CUX1: variants seen among roughly 807,000 people sequenced by gnomAD.
CUX1 encodes cut like homeobox 1.
A neutral mutation model predicts 158.8 loss-of-function variants in CUX1; 31 were observed. The observed-to-expected ratio is 0.20, with a 90% CI of 0.15 to 0.26. CUX1 has a LOEUF of 0.26. Among genes scored for constraint, CUX1 ranks in the 10% least tolerant of loss-of-function variants. The pLI is 1.00. For missense variants in CUX1, 1,589 were observed against 2,014.6 expected (o/e 0.79, Z 4.04); for synonymous variants, 879 against 862.1 (o/e 1.02, Z -0.34).
At chr7:102,244,432 C>T (rs1315137582) in intron 23 of CUX1, among the ~76,000 whole-genome samples, 2 of 152,114 alleles carry the variant, frequency 1.3e-5, no homozygotes, top group East Asian at 1.9e-4. Flanking sequence ...CTGGGCCGGG[C>T]ACGGCCTGTA....
At chr7:102,092,169 T>C (rs1448164619) in intron 4 of CUX1, among the ~76,000 whole-genome samples, 17 of 152,356 alleles carry the variant, frequency 1.1e-4, no homozygotes, top group African/African-American at 4.1e-4. Flanking sequence ...ATCTTCTTTT[T>C]CTCTCCTCCT....
At chr7:102,228,532 T>C (rs1554529515) in intron 21 of CUX1, among the ~76,000 whole-genome samples, 2 of 152,066 alleles carry the variant, frequency 1.3e-5, no homozygotes, top group Non-Finnish European at 2.9e-5. Flanking sequence ...TAGTGGCTCA[T>C]GCCTGTAATC....
intron 2 of CUX1, among the ~76,000 whole-genome samples, chr7:101,997,056 T>G (rs1227342971): frequency 6.6e-6 from 1 of 152,118 alleles, no homozygotes. Context: ...TCTTGTGTCC[T>G]CTGACCGCCC....
At chr7:102,043,624 G>T (rs762726418) in intron 3 of CUX1, among the ~76,000 whole-genome samples, 6 of 152,106 alleles carry the variant, frequency 3.9e-5, no homozygotes, top group Non-Finnish European at 8.8e-5. Context: ...TATTACCCAT[G>T]TATTTGTTGT....
intron 8 of CUX1, among the ~76,000 whole-genome samples, chr7:102,151,292 C>G (rs144658113): frequency 6.6e-6 from 1 of 152,254 alleles, no homozygotes; most frequent in East Asian, 1.9e-4. Context: ...TCGGTTCACG[C>G]CTGTCATCCC....
At chr7:102,265,279 C>T (rs1790719652) in intron 14 of CUX1, among the ~76,000 whole-genome samples, 1 of 151,540 alleles carries the variant, frequency 6.6e-6, no homozygotes, top group South Asian at 2.1e-4. Context: ...TTGCTTGAAC[C>T]CCGGAGGCAG....
In CUX1 at chr7:102,029,008, T is replaced by TTTA. The variant is rs1163614520; in HGVS notation, c.189+864_189+865insTAT. 3.3e-5 allele frequency among the ~76,000 whole-genome samples: 5 copies of TTTA among 149,918 alleles called. No individual in the cohort carries two copies. The East Asian group carries it at 9.8e-4, about 29-fold the overall frequency. On this transcript the variant is annotated intron_variant, in intron 3 of 23. Transcript: ENST00000292535. ...TAGGGATTTTTTTTTTTTTTTTTTTTTGGCGACAGAGTCTTGCCCTGTCAC... is the reference window on the plus strand; with the variant it reads ...TAGGGATTTTTTTTTTTTTTTTTTTTTTATGGCGACAGAGTCTTGCCCTGTCAC...
At chr7:102,166,961 A>G (rs990612725) in intron 9 of CUX1, among the ~76,000 whole-genome samples, 1 of 152,076 alleles carries the variant, frequency 6.6e-6, no homozygotes, top group Non-Finnish European at 1.5e-5. Flanking sequence ...GCAAGTGCAA[A>G]TGCTCCACAG....
chr7:101,860,775 T>TCCTTCCTTCCTC, intron 1 of CUX1, among the ~76,000 whole-genome samples: 1 of 137,738 alleles, frequency 7.3e-6, no homozygotes, highest in Non-Finnish European at 1.5e-5. Flanking sequence ...CTTCCTTCCT[T>TCCTTCCTTCCTC]CCTTCCTTCC....
chr7:102,127,675 G>A (rs1382449885), intron 8 of CUX1, among the ~76,000 whole-genome samples: 2 of 152,070 alleles, frequency 1.3e-5, no homozygotes, highest in African/African-American at 4.8e-5. Context: ...CCATCACGTA[G>A]GTGAGCCCTA....
At chr7:101,990,900 C>G (rs748186627) in intron 2 of CUX1, among the ~76,000 whole-genome samples, 2 of 152,206 alleles carry the variant, frequency 1.3e-5, no homozygotes, top group African/African-American at 2.4e-5. Context: ...CCGCTCAGGT[C>G]CCTGGGGGTA....
rs143009538 is a variant in CUX1, at chr7:102,071,697, G to A, written c.268+1280G>A. On this transcript the variant is annotated intron_variant, in intron 4 of 23. Coordinates refer to ENST00000292535, the MANE Select transcript of CUX1 (RefSeq NM_181552.4). ...TTGTGTTCTGATTCAGGTCTACCAC[G>A]GGCTTTGCTGTCCCCTCTTGGAGCT... Among the ~76,000 whole-genome samples the A allele has an allele frequency of 3.6e-3, 545 of 152,220 alleles. 4 individuals carry two copies. The highest frequency in any genetic ancestry group is 0.012 in the African/African-American group (509 of 41,538).
chr7:101,821,564 T>A (rs1281192822), intron 1 of CUX1, among the ~76,000 whole-genome samples: 2 of 150,926 alleles, frequency 1.3e-5, no homozygotes, highest in Non-Finnish European at 3.0e-5. Flanking sequence ...GGTCTCGATC[T>A]CCTCACTTAG....
chr7:101,926,858 T>A (rs972334869), intron 2 of CUX1, among the ~76,000 whole-genome samples: 1 of 152,146 alleles, frequency 6.6e-6, no homozygotes, highest in African/African-American at 2.4e-5. Flanking sequence ...AACACCCTCC[T>A]CTCTTCTTTC....
At chr7:101,949,171 G>A (rs891149676) in intron 2 of CUX1, among the ~76,000 whole-genome samples, 8 of 151,896 alleles carry the variant, frequency 5.3e-5, no homozygotes, top group African/African-American at 1.5e-4. Flanking sequence ...TCACTCTGTC[G>A]CCCAGGCTGG....
chr7:102,097,801 A>C (rs1554484850), intron 5 of CUX1, among the ~76,000 whole-genome samples: 1 of 152,224 alleles, frequency 6.6e-6, no homozygotes, highest in Admixed American at 6.5e-5. Flanking sequence ...TGCCTCTTGA[A>C]AGGCCCATGC....
chr7:102,057,533 A>G (rs1480505802), intron 3 of CUX1, among the ~76,000 whole-genome samples: 1 of 152,156 alleles, frequency 6.6e-6, no homozygotes, highest in African/African-American at 2.4e-5. Flanking sequence ...CATGAACAGG[A>G]GTTTGGAAGA....
chr7:102,063,393 T>C (rs1480044373), intron 3 of CUX1, among the ~76,000 whole-genome samples: 1 of 139,828 alleles, frequency 7.2e-6, no homozygotes, highest in Non-Finnish European at 1.6e-5. Context: ...CTTTTTTTTT[T>C]TTTTTTTTTT....
intron 3 of CUX1, among the ~76,000 whole-genome samples, chr7:102,039,046 C>G (rs1821751791): frequency 6.6e-6 from 1 of 152,048 alleles, no homozygotes; most frequent in East Asian, 1.9e-4. Context: ...CGGCCATCAA[C>G]AGGAAAAAGA....
Sources: allele counts gnomAD v4.1 joint callset (sites outside exome capture counted in the v4.1 genomes callset), GRCh38; gene constraint gnomAD v4.1.1; transcripts MANE v1.5; gene names NCBI Gene and HGNC (gene_info 2026-07-23, HGNC 2026-07-21).